Variants in NCKAP5 observed in about 807,000 individuals in gnomAD.
NCKAP5 encodes NCK associated protein 5.
NCKAP5 carries 92 observed loss-of-function variants against 167.0 expected under a neutral mutation model. The ratio of observed to expected loss-of-function variants is 0.55; its 90% CI spans 0.47 to 0.66. NCKAP5 has a LOEUF of 0.66. NCKAP5 is among the 30% of genes least tolerant of loss of function. The pLI is 0.00. For synonymous variants in NCKAP5, 891 were observed against 877.4 expected (o/e 1.02, Z -0.27); for missense variants, 2,378 against 2,315.0 (o/e 1.03, Z -0.56).
chr2:133,462,425 T>C (rs1692259246), intron 3 of NCKAP5, among the ~76,000 whole-genome samples: 1 of 152,250 alleles, frequency 6.6e-6, no homozygotes. Context: ...TTTGAAATTA[T>C]GGGTTTTTAA....
chr2:133,472,169 T>C (rs1679397508), intron 3 of NCKAP5, among the ~76,000 whole-genome samples: 1 of 152,154 alleles, frequency 6.6e-6, no homozygotes, highest in Non-Finnish European at 1.5e-5. Flanking sequence ...CCTTGAGCCT[T>C]TGCCTGCCCT....
chr2:133,333,422 A>G (rs939362239), intron 3 of NCKAP5, among the ~76,000 whole-genome samples: 1 of 152,136 alleles, frequency 6.6e-6, no homozygotes, highest in Non-Finnish European at 1.5e-5. Flanking sequence ...TGCATTAGCA[A>G]TGAATGTTAA....
intron 4 of NCKAP5, among the ~76,000 whole-genome samples, chr2:133,223,162 C>T (rs1346864100): frequency 6.6e-6 from 1 of 152,164 alleles, no homozygotes; most frequent in Non-Finnish European, 1.5e-5. Flanking sequence ...TATTGTTTCC[C>T]TGTGAAGATA....
At chr2:133,276,012 C>A (rs1033831918) in intron 4 of NCKAP5, among the ~76,000 whole-genome samples, 2 of 151,926 alleles carry the variant, frequency 1.3e-5, no homozygotes, top group Non-Finnish European at 2.9e-5. Flanking sequence ...ACTTCTATCA[C>A]CCCTGAGAGA....
chr2:132,813,167 AC>A (rs1391492269), intron 11 of NCKAP5, among the ~76,000 whole-genome samples: 1 of 152,250 alleles, frequency 6.6e-6, no homozygotes, highest in Non-Finnish European at 1.5e-5. Flanking sequence ...CAGCAAGACC[AC>A]AGAGGCAAGT....
chr2:132,762,859 A>G (rs1681128511), intron 16 of NCKAP5, among the ~76,000 whole-genome samples: 1 of 152,230 alleles, frequency 6.6e-6, no homozygotes, highest in Non-Finnish European at 1.5e-5. Flanking sequence ...CACCTGTATC[A>G]TAACAAACCA....
At chr2:133,614,196 G>A in the NCKAP5 span, among the ~76,000 whole-genome samples, 3 of 152,168 alleles carry the variant, frequency 2.0e-5, no homozygotes, top group Non-Finnish European at 4.4e-5. Context: ...TCAACAGGGA[G>A]TCTCGTGGTC....
chr2:133,033,402 C>T (rs2078943585), intron 6 of NCKAP5, among the ~76,000 whole-genome samples: 1 of 152,118 alleles, frequency 6.6e-6, no homozygotes, highest in Non-Finnish European at 1.5e-5. Context: ...TACAAATAAG[C>T]CCAGACAGTA....
At chr2:133,484,301 C>T (rs902922352) in intron 3 of NCKAP5, among the ~76,000 whole-genome samples, 1 of 152,134 alleles carries the variant, frequency 6.6e-6, no homozygotes, top group African/African-American at 2.4e-5. Flanking sequence ...TCCTTGTCTT[C>T]ATGTGGTTAT....
At chr2:132,942,466 C>G (rs1033784004) in intron 8 of NCKAP5, among the ~76,000 whole-genome samples, 2 of 152,122 alleles carry the variant, frequency 1.3e-5, no homozygotes, top group Non-Finnish European at 2.9e-5. Context: ...CTGATTTAGA[C>G]TTTGTTTTTA....
At chr2:133,440,709 CAAAA>C (rs1174654151) in intron 3 of NCKAP5, among the ~76,000 whole-genome samples, 3 of 32,694 alleles carry the variant, frequency 9.2e-5, no homozygotes, top group African/African-American at 3.0e-4. Flanking sequence ...GACTCTGTCT[CAAAA>C]AAAAAAAAAA....
intron 6 of NCKAP5, among the ~76,000 whole-genome samples, chr2:133,026,261 T>G (rs2078694252): frequency 6.6e-6 from 1 of 152,168 alleles, no homozygotes; most frequent in Non-Finnish European, 1.5e-5. Context: ...GTTAGATGGA[T>G]AGATTGCAAA....
At chr2:133,396,085 C>T (rs1687713781) in intron 3 of NCKAP5, among the ~76,000 whole-genome samples, 1 of 151,932 alleles carries the variant, frequency 6.6e-6, no homozygotes, top group African/African-American at 2.4e-5. Context: ...ATGTAAAATC[C>T]AATGGATATG....
intron 11 of NCKAP5, among the ~76,000 whole-genome samples, chr2:132,820,429 T>C (rs965979284): frequency 3.9e-5 from 6 of 152,028 alleles, no homozygotes; most frequent in South Asian, 4.2e-4. Flanking sequence ...GGGGTTTCAT[T>C]GTGTTAGCCA....
intron 3 of NCKAP5, among the ~76,000 whole-genome samples, chr2:133,332,975 A>C (rs1452962828): frequency 6.6e-6 from 1 of 152,234 alleles, no homozygotes; most frequent in East Asian, 1.9e-4. Context: ...CTCTGGAGGG[A>C]AAATTCTGGT....
chr2:132,701,149 T>C (rs1419837582), intron 19 of NCKAP5, among the ~76,000 whole-genome samples: 1 of 152,156 alleles, frequency 6.6e-6, no homozygotes, highest in Admixed American at 6.5e-5. Context: ...TTATCTGATA[T>C]TATAGTTTAA....
At chr2:132,683,992 C>T (rs1419657057) in intron 19 of NCKAP5, among the ~76,000 whole-genome samples, 2 of 152,186 alleles carry the variant, frequency 1.3e-5, no homozygotes, top group Non-Finnish European at 2.9e-5. Context: ...CACACAGATG[C>T]TATTTAGTCT....
rs527988634 is a variant in NCKAP5, at chr2:132,675,298, C to T, written c.5714-1993G>A. On this transcript the variant is annotated intron_variant, in intron 19 of 19. Transcript: ENST00000409261. ...TGGCCCTTTCACGGGCTGAGTGCTA[C>T]AAGCATCCTTCTTCAGGTGTAAAAT... 1.5e-4 allele frequency among the ~76,000 whole-genome samples: 23 copies of T among 152,340 alleles called. 1 individual carries two copies. In the South Asian group the frequency reaches 4.8e-3, roughly 32 times the overall value.
chr2:132,871,775 CTAG>C (rs893530789), intron 9 of NCKAP5, among the ~76,000 whole-genome samples: 32 of 145,488 alleles, frequency 2.2e-4, no homozygotes, highest in African/African-American at 7.0e-4. Context: ...GTTATATTAC[CTAG>C]AAGGACTCAC....
Sources: gnomAD v4.1 joint callset for allele counts (sites outside exome capture counted in the v4.1 genomes callset) on GRCh38, gnomAD v4.1.1 for gene constraint, MANE v1.5 for transcripts, NCBI Gene and HGNC (gene_info 2026-07-23, HGNC 2026-07-21) for gene names.